The following TTC7B variants were observed in gnomAD, a reference collection of about 807,000 sequenced individuals.
TTC7B encodes the protein tetratricopeptide repeat protein 7B.
TTC7B carries 28 observed loss-of-function variants against 106.8 expected under a neutral mutation model. That is an observed-to-expected ratio of 0.26 (90% CI 0.19 to 0.36). TTC7B has a LOEUF of 0.36. Ranked by LOEUF, TTC7B falls within the 10% of genes least tolerant of loss-of-function variation. The pLI, the probability that TTC7B is intolerant of heterozygous loss-of-function variation, is 1.00. For synonymous variants in TTC7B, 405 were observed against 430.6 expected (o/e 0.94, Z 0.74); for missense variants, 862 against 1,076.4 (o/e 0.80, Z 2.79).
chr14:90,547,095 T>C (rs568799428), intron 19 of TTC7B, among the ~76,000 whole-genome samples: 2 of 152,320 alleles, frequency 1.3e-5, no homozygotes, highest in Admixed American at 6.5e-5. Flanking sequence ...GGGAGCCGGC[T>C]GGGGCTGAGC....
intron 19 of TTC7B, among the ~76,000 whole-genome samples, chr14:90,556,797 C>G (rs1043398856): frequency 6.6e-6 from 1 of 152,318 alleles, no homozygotes; most frequent in Admixed American, 6.5e-5. Flanking sequence ...CAGGGATACT[C>G]TGAGGGAACT....
At chr14:90,606,362 C>A (rs530503232) in intron 17 of TTC7B, among the ~76,000 whole-genome samples, 15 of 152,104 alleles carry the variant, frequency 9.9e-5, no homozygotes, top group Non-Finnish European at 2.2e-4. Flanking sequence ...AACGGGGAGA[C>A]CACCGCCGCT....
intron 17 of TTC7B, among the ~76,000 whole-genome samples, chr14:90,607,435 G>A (rs1172465969): frequency 6.6e-6 from 1 of 152,222 alleles, no homozygotes; most frequent in Non-Finnish European, 1.5e-5. Flanking sequence ...CGGGCATGAC[G>A]CTGATAAGCT....
intron 19 of TTC7B, among the ~76,000 whole-genome samples, chr14:90,554,583 C>T (rs977429971): frequency 5.3e-5 from 8 of 152,192 alleles, no homozygotes; most frequent in East Asian, 1.9e-4. Flanking sequence ...GGCTGTCACT[C>T]GAGCCACGCT....
At chr14:90,799,159 C>T (rs530584698) in intron 1 of TTC7B, among the ~76,000 whole-genome samples, 4 of 152,184 alleles carry the variant, frequency 2.6e-5, no homozygotes, top group Admixed American at 6.5e-5. Context: ...TCCAAGGCCA[C>T]GGCCATCTGA....
intron 16 of TTC7B, among the ~76,000 whole-genome samples, chr14:90,613,006 T>C (rs1042057714): frequency 4.6e-5 from 7 of 152,216 alleles, no homozygotes; most frequent in Non-Finnish European, 7.3e-5. Context: ...ACATCCTTAG[T>C]GTGTCTGCCT....
chr14:90,578,212 A>G lies in TTC7B; in HGVS notation c.2204T>C (p.Met735Thr). 2 of 1,614,202 alleles carry G rather than the reference A, an allele frequency of 1.2e-6. No individual in the cohort carries two copies. The highest frequency in any genetic ancestry group is 2.2e-5 in the East Asian group (1 of 44,870). ...LFPMSHNVLY[M>T]RGQIAELRGS... ...CCGGAGCTCAGCAATCTGGCCGCGCATGTAGAGGACATTGTGGGACATTGG... is the reference window on the plus strand; with the variant it reads ...CCGGAGCTCAGCAATCTGGCCGCGCGTGTAGAGGACATTGTGGGACATTGG... Residue 735 changes from methionine (M) to threonine (T), a missense_variant, in exon 19 of 20, where the codon ATG becomes ACG. By Grantham distance (81) the Met-to-Thr change is moderately conservative. Coordinates refer to ENST00000328459, the MANE Select transcript of TTC7B (RefSeq NM_001010854.2). The surrounding 1 kb of genome is among the most constrained non-coding windows in gnomAD (Gnocchi z 4.7).
At chr14:90,748,291 T>C (rs766230047) in intron 3 of TTC7B, among the ~76,000 whole-genome samples, 4 of 152,170 alleles carry the variant, frequency 2.6e-5, no homozygotes, top group Non-Finnish European at 4.4e-5. Context: ...TTATTTTCCA[T>C]ATCAGTGATT....
intron 1 of TTC7B, among the ~76,000 whole-genome samples, chr14:90,794,622 G>A (rs1385772254): frequency 6.6e-6 from 1 of 152,064 alleles, no homozygotes; most frequent in Non-Finnish European, 1.5e-5. Flanking sequence ...GGTAGGTATC[G>A]GCTCCTCAGT....
intron 5 of TTC7B, among the ~76,000 whole-genome samples, chr14:90,708,076 G>A (rs1024252439): frequency 2.7e-5 from 4 of 149,546 alleles, no homozygotes; most frequent in African/African-American, 5.0e-5. Context: ...AACCCAGGAG[G>A]TGGAGGTTGC....
chr14:90,603,490 A>G (rs902612853), intron 17 of TTC7B, among the ~76,000 whole-genome samples: 3 of 152,210 alleles, frequency 2.0e-5, no homozygotes, highest in Admixed American at 6.5e-5. Flanking sequence ...TAAACAAAAG[A>G]AAGGCCAACT....
intron 3 of TTC7B, among the ~76,000 whole-genome samples, chr14:90,775,991 T>C (rs903365656): frequency 9.2e-5 from 14 of 152,178 alleles, no homozygotes; most frequent in Non-Finnish European, 1.5e-5. Context: ...CTTTTATTAA[T>C]TATGTTTCTG....
chr14:90,526,889 C>G lies in TTC7B; in HGVS notation c.*14479G>C, dbSNP rs1257384923. The G allele has an allele frequency of 6.6e-6, 1 of 152,118 alleles. No individual in the cohort carries two copies. Among genetic ancestry groups the G allele is most frequent in the Non-Finnish European group, 1.5e-5 (1 of 68,028 alleles). 9.4% of individuals were successfully genotyped at this position (152,118 alleles called of 1,614,324 possible). On this transcript the variant is annotated 3_prime_UTR_variant, in exon 20 of 20. Transcript: ENST00000328459. ...ATAAATTACCTAGTCTCGGGTATGT[C>G]TTTATTAGCTGCATGAGGACGTACT...
chr14:90,654,159 GGA>G (rs1344473211), intron 12 of TTC7B, among the ~76,000 whole-genome samples: 3 of 152,168 alleles, frequency 2.0e-5, no homozygotes, highest in African/African-American at 7.2e-5. Context: ...TCCTCGTAAG[GGA>G]GAGAAGGGAG....
chr14:90,746,091 C>A (rs994962112), intron 3 of TTC7B, among the ~76,000 whole-genome samples: 1 of 152,056 alleles, frequency 6.6e-6, no homozygotes, highest in Non-Finnish European at 1.5e-5. Context: ...TAGGTAAATA[C>A]CAACCTCATA....
intron 5 of TTC7B, among the ~76,000 whole-genome samples, chr14:90,718,848 A>T (rs1888762310): frequency 6.6e-6 from 1 of 151,272 alleles, no homozygotes; most frequent in Non-Finnish European, 1.5e-5. Flanking sequence ...AATTGACCAA[A>T]ATTCCTGCCC....
chr14:90,763,120 G>C (rs1890554599), intron 3 of TTC7B, among the ~76,000 whole-genome samples: 1 of 152,008 alleles, frequency 6.6e-6, no homozygotes, highest in African/African-American at 2.4e-5. Flanking sequence ...TATGAATATA[G>C]GTATTAAAAT....
At chr14:90,673,532 A>T (rs1886712185) in intron 9 of TTC7B, among the ~76,000 whole-genome samples, 1 of 152,206 alleles carries the variant, frequency 6.6e-6, no homozygotes, top group Admixed American at 6.5e-5. Flanking sequence ...ACAGTGGAGG[A>T]AATGAAGACA....
chr14:90,717,451 G>A (rs1180151569), intron 5 of TTC7B, among the ~76,000 whole-genome samples: 1 of 152,130 alleles, frequency 6.6e-6, no homozygotes, highest in East Asian at 1.9e-4. Flanking sequence ...TTATTGGTGG[G>A]CAGGTCTATG....
Sources: gnomAD v4.1 joint callset for allele counts (sites outside exome capture counted in the v4.1 genomes callset) on GRCh38, gnomAD v4.1.1 for gene constraint, Gnocchi (gnomAD v3.1) non-coding constraint, MANE v1.5 for transcripts, NCBI Gene and HGNC (gene_info 2026-07-23, HGNC 2026-07-21) for gene names.